The following CHD6 variants were observed in gnomAD, a reference collection of about 807,000 sequenced individuals.
CHD6 encodes chromodomain helicase DNA binding protein 6.
In CHD6, 50 loss-of-function variants were observed where a neutral mutation model predicts 276.9. The observed-to-expected ratio is 0.18, with a 90% CI of 0.14 to 0.23. CHD6 has a LOEUF of 0.23. Among genes scored for constraint, CHD6 ranks in the 10% least tolerant of loss-of-function variants. The pLI, the probability that CHD6 is intolerant of heterozygous loss-of-function variation, is 1.00. For missense variants in CHD6, 2,564 were observed against 3,365.8 expected (o/e 0.76, Z 5.89); for synonymous variants, 1,173 against 1,229.3 (o/e 0.95, Z 0.96).
chr20:41,415,551 G>T lies in CHD6; in HGVS notation c.6574C>A (p.Arg2192=). The T allele has an allele frequency of 6.2e-7, 1 of 1,614,090 alleles. No homozygotes were observed. Residue 2192 remains arginine (R), a synonymous_variant, in exon 34 of 37, where the codon CGG becomes AGG. Transcript: ENST00000373233. ...GTGGCAGAGAACTGCTCCAGGCCCC[G>T]AGCCTTTGCATCCCTCTCCACCTCA... ...EFEVERDAKA[R]GLEQFSATHG...
At chr20:41,409,187 T>C (rs2046770183) in intron 36 of CHD6, among the ~76,000 whole-genome samples, 1 of 152,202 alleles carries the variant, frequency 6.6e-6, no homozygotes, top group Admixed American at 6.5e-5. Flanking sequence ...GCTTTAACCA[T>C]GTCCTGTGGA....
intron 3 of CHD6, among the ~76,000 whole-genome samples, chr20:41,523,485 C>A (rs988793891): frequency 6.6e-6 from 1 of 152,178 alleles, no homozygotes; most frequent in Non-Finnish European, 1.5e-5. Flanking sequence ...GCATTTATGA[C>A]ATGCAAGAAA....
intron 25 of CHD6, 108 bp from the exon 26 acceptor site, chr20:41,440,237 C>A: frequency 8.0e-6 from 8 of 998,298 alleles, no homozygotes; most frequent in South Asian, 6.6e-5. Flanking sequence ...AAAACAAACA[C>A]AAAAAAATAA....
At chr20:41,617,979 CGCCA>C (rs1443479285) in intron 1 of CHD6, among the ~76,000 whole-genome samples, 3 of 146,644 alleles carry the variant, frequency 2.0e-5, no homozygotes, top group African/African-American at 7.3e-5. Flanking sequence ...CGCCCCCGCC[CGCCA>C]GGCCCGCGGC....
intron 5 of CHD6, among the ~76,000 whole-genome samples, chr20:41,512,333 T>C (rs2044139200): frequency 2.0e-5 from 3 of 151,966 alleles, no homozygotes; most frequent in African/African-American, 7.3e-5. Flanking sequence ...CAAATGCAAT[T>C]TGTGTTGTGG....
intron 23 of CHD6, among the ~76,000 whole-genome samples, chr20:41,448,449 T>C (rs1012879203): frequency 3.3e-5 from 5 of 152,368 alleles, no homozygotes; most frequent in South Asian, 2.1e-4. Context: ...AATTCATTTT[T>C]ATTCTGTATG....
chr20:41,434,536 A>G (rs555486905), intron 27 of CHD6, among the ~76,000 whole-genome samples: 85 of 152,144 alleles, frequency 5.6e-4, no homozygotes, highest in Middle Eastern at 3.4e-3. Flanking sequence ...ACGCCTGGCT[A>G]ATTTTGTATT....
intron 34 of CHD6, chr20:41,413,769 T>A (rs931703357): frequency 3.2e-6 from 1 of 312,246 alleles, no homozygotes; most frequent in Non-Finnish European, 5.9e-6. Flanking sequence ...TTTAACTCCA[T>A]CCTGACTGCC....
chr20:41,546,595 T>C (rs1315375350), intron 2 of CHD6, among the ~76,000 whole-genome samples: 1 of 152,212 alleles, frequency 6.6e-6, no homozygotes, highest in Non-Finnish European at 1.5e-5. Flanking sequence ...ATATCATTGT[T>C]TCGTTGTTGC....
rs765443609 is a variant in CHD6 at position 41,484,577 on chromosome 20, T to C, written c.2032A>G (p.Met678Val). 10 of 1,613,694 alleles carry C rather than the reference T, an allele frequency of 6.2e-6. No individual in the cohort carries two copies. The highest frequency in any genetic ancestry group is 1.3e-5 in the African/African-American group (1 of 74,894). Residue 678 changes from methionine to valine, a missense_variant, in exon 15 of 37, where the codon ATG (methionine) becomes GTG (valine). Coordinates refer to ENST00000373233, the MANE Select transcript of CHD6 (RefSeq NM_032221.5). ...TCATCTTTCAGCCGCCGAAGCATCATTGGTTTTAGGATAGACTGCAGTTTC... is the reference window on the plus strand; with the variant it reads ...TCATCTTTCAGCCGCCGAAGCATCACTGGTTTTAGGATAGACTGCAGTTTC... ...VKKLQSILKPMMLRRLKDDVE... is the reference protein window; with the variant it reads ...VKKLQSILKPVMLRRLKDDVE...
intron 4 of CHD6, 126 bp downstream of exon 4, chr20:41,514,679 G>T: frequency 9.3e-7 from 1 of 1,077,932 alleles, no homozygotes; most frequent in African/African-American, 1.6e-5. Context: ...CCACCAAAAC[G>T]GTAAAAGCCC....
At chr20:41,596,879 T>G (rs1274518744) in intron 1 of CHD6, among the ~76,000 whole-genome samples, 1 of 152,058 alleles carries the variant, frequency 6.6e-6, no homozygotes, top group African/African-American at 2.4e-5. Context: ...GATCGGCCTA[T>G]AGAGGAACCT....
intron 1 of CHD6, among the ~76,000 whole-genome samples, chr20:41,573,762 A>C (rs1171356431): frequency 6.6e-5 from 10 of 152,232 alleles, no homozygotes; most frequent in Admixed American, 6.5e-4. Context: ...AAAGTTTGAC[A>C]ATCTATTTCA....
intron 33 of CHD6, among the ~76,000 whole-genome samples, chr20:41,416,329 GC>G (rs972141390): frequency 6.6e-6 from 1 of 151,906 alleles, no homozygotes; most frequent in African/African-American, 2.4e-5. Context: ...TTCCTGCTTG[GC>G]CCCCCTAGCC....
intron 5 of CHD6, among the ~76,000 whole-genome samples, chr20:41,512,044 T>C (rs1307080773): frequency 2.0e-5 from 3 of 152,168 alleles, no homozygotes; most frequent in Admixed American, 6.5e-5. Flanking sequence ...CTTGGCTCAC[T>C]GCAACCTCTG....
intron 16 of CHD6, among the ~76,000 whole-genome samples, chr20:41,477,338 T>C (rs1288921538): frequency 6.6e-6 from 1 of 152,162 alleles, no homozygotes. Context: ...CTAGAAAGGC[T>C]AGACATTTAT....
intron 30 of CHD6, among the ~76,000 whole-genome samples, chr20:41,422,307 T>C (rs747012778): frequency 6.6e-6 from 1 of 152,164 alleles, no homozygotes; most frequent in African/African-American, 2.4e-5. Context: ...AAATTCCAGT[T>C]CTGAAAACAG....
chr20:41,445,443 T>C (rs2145626383), intron 25 of CHD6, among the ~76,000 whole-genome samples: 1 of 152,338 alleles, frequency 6.6e-6, no homozygotes, highest in East Asian at 1.9e-4. Context: ...CTTTGTGGCC[T>C]GAATGTTCCT....
At position 41,421,048 on chromosome 20, in the gene CHD6, G is replaced by A. The variant is rs1368672240; in HGVS notation, c.5587C>T (p.His1863Tyr). Residue 1863 changes from histidine to tyrosine, a missense_variant, in exon 31 of 37, where the codon CAC (histidine) becomes TAC (tyrosine). His to Tyr is a moderately conservative substitution (Grantham distance 83, BLOSUM62 2). Around this residue, in one of 7 missense-constraint regions of CHD6, gnomAD observed 1,024 missense variants for 1,047.9 expected, o/e 0.98. Transcript: ENST00000373233. ...LESKLILSQN[H>Y]SDEEEEEEEN... ...TCCTCTTCTTCCTCCTCATCACTGT[G>A]GTTCTGACTCAAAATCAATTTACTT... 6.2e-7 allele frequency: 1 copy of A among 1,613,796 alleles called. No homozygotes were observed.
Sources: gnomAD v4.1 joint callset for allele counts (sites outside exome capture counted in the v4.1 genomes callset) on GRCh38, gnomAD v4.1.1 for gene constraint, gnomAD v4.1.1 regional missense constraint, MANE v1.5 for transcripts, NCBI Gene and HGNC (gene_info 2026-07-23, HGNC 2026-07-21) for gene names.